The following PAPPA2 variants were observed in gnomAD, a reference collection of about 807,000 sequenced individuals.
The protein encoded by PAPPA2 is pappalysin 2.
Under a neutral mutation model 176.4 loss-of-function variants are expected in PAPPA2, and 86 were observed. The observed-to-expected ratio is 0.49, with a 90% CI of 0.41 to 0.58. The LOEUF (loss-of-function observed/expected upper bound fraction) is 0.58. PAPPA2 is among the 20% of genes least tolerant of loss of function. PAPPA2 has a pLI of 0.00. For synonymous variants in PAPPA2, 809 were observed against 852.2 expected (o/e 0.95, Z 0.88); for missense variants, 2,073 against 2,256.9 (o/e 0.92, Z 1.65).
intron 2 of PAPPA2, among the ~76,000 whole-genome samples, chr1:176,591,085 GCACACACACACA>G (rs66535582): frequency 2.7e-4 from 39 of 142,356 alleles, no homozygotes; most frequent in South Asian, 8.9e-4. Flanking sequence ...TCACACACAT[GCACACACACACA>G]CACACACACA....
chr1:176,655,097 C>T (rs1223087231), intron 3 of PAPPA2, among the ~76,000 whole-genome samples: 1 of 151,770 alleles, frequency 6.6e-6, no homozygotes, highest in African/African-American at 2.4e-5. Context: ...TTAGGTCTTC[C>T]AGTACTATGT....
intron 3 of PAPPA2, among the ~76,000 whole-genome samples, chr1:176,649,767 T>G (rs1217686611): frequency 6.6e-6 from 1 of 151,580 alleles, no homozygotes; most frequent in Non-Finnish European, 1.5e-5. Flanking sequence ...ATAAGATACT[T>G]GACATGATTT....
intron 12 of PAPPA2, among the ~76,000 whole-genome samples, chr1:176,730,594 T>G (rs570743544): frequency 1.2e-4 from 17 of 141,124 alleles, no homozygotes; most frequent in African/African-American, 4.8e-4. Flanking sequence ...TCGTTTTTGT[T>G]TTTTGTTTTT....
intron 1 of PAPPA2, among the ~76,000 whole-genome samples, chr1:176,499,525 C>A (rs1419273720): frequency 6.6e-6 from 1 of 152,094 alleles, no homozygotes; most frequent in African/African-American, 2.4e-5. Context: ...AAGAAAAGGG[C>A]AGGACTGTTT....
intron 1 of PAPPA2, among the ~76,000 whole-genome samples, chr1:176,547,902 A>G (rs887186713): frequency 6.6e-6 from 1 of 152,286 alleles, no homozygotes; most frequent in Admixed American, 6.5e-5. Flanking sequence ...AGGATTTTTT[A>G]AAAAATGTGG....
intron 21 of PAPPA2, among the ~76,000 whole-genome samples, chr1:176,827,450 G>T (rs1162964547): frequency 6.6e-6 from 1 of 151,982 alleles, no homozygotes; most frequent in Non-Finnish European, 1.5e-5. Context: ...CTTCCTGCTG[G>T]GGTTATTCTC....
chr1:176,526,498 T>C (rs981565692), intron 1 of PAPPA2, among the ~76,000 whole-genome samples: 5 of 152,204 alleles, frequency 3.3e-5, no homozygotes, highest in African/African-American at 1.2e-4. Flanking sequence ...CCCTAGAAGA[T>C]GACAGTACCA....
At chr1:176,582,673 G>A (rs545504126) in intron 2 of PAPPA2, among the ~76,000 whole-genome samples, 3 of 151,872 alleles carry the variant, frequency 2.0e-5, no homozygotes, top group South Asian at 4.2e-4. Flanking sequence ...ATATTTTGTC[G>A]AGGATTTTAA....
Position 176,695,733 on chromosome 1 carries a change from C to T in PAPPA2, c.2625-5C>T. On this transcript the variant is annotated splice_region_variant and splice_polypyrimidine_tract_variant and intron_variant, in intron 6 of 22. Coordinates refer to ENST00000367662, the MANE Select transcript of PAPPA2 (RefSeq NM_020318.3). ...TCTCCCATCTCCATCCCTTTATCTC[C>T]CCAGGGCCTCAGGCAGCTTGTGTGG... is the stretch of plus-strand genomic sequence containing the variant. 6.2e-7 allele frequency: 1 copy of T among 1,613,972 alleles called. No individual in the cohort carries two copies. Among genetic ancestry groups the T allele is most frequent in the South Asian group, 1.1e-5 (1 of 91,070 alleles).
At chr1:176,821,858 T>C (rs756232147) in intron 21 of PAPPA2, among the ~76,000 whole-genome samples, 11 of 152,154 alleles carry the variant, frequency 7.2e-5, no homozygotes, top group Admixed American at 2.6e-4. Flanking sequence ...AAGAATAATA[T>C]CTACTAGTCA....
intron 14 of PAPPA2, among the ~76,000 whole-genome samples, chr1:176,755,285 T>C (rs184351389): frequency 1.2e-3 from 189 of 152,274 alleles, no homozygotes; most frequent in African/African-American, 4.5e-3. Context: ...TTCTTACTTC[T>C]GCATGTGAAT....
intron 14 of PAPPA2, among the ~76,000 whole-genome samples, chr1:176,756,455 A>C (rs1354117995): frequency 6.6e-6 from 1 of 152,194 alleles, no homozygotes; most frequent in Non-Finnish European, 1.5e-5. Context: ...GCTAATATAT[A>C]CATATCTTTT....
chr1:176,565,738 G>A (rs1480816449), intron 2 of PAPPA2, among the ~76,000 whole-genome samples: 1 of 152,188 alleles, frequency 6.6e-6, no homozygotes, highest in Non-Finnish European at 1.5e-5. Flanking sequence ...GGTGAGTATG[G>A]TTTGGCCACT....
intron 12 of PAPPA2, among the ~76,000 whole-genome samples, chr1:176,729,866 A>G (rs1662050297): frequency 6.6e-6 from 1 of 151,974 alleles, no homozygotes; most frequent in South Asian, 2.1e-4. Flanking sequence ...ACTTGTACAT[A>G]TGGTCTGAAC....
At chr1:176,691,260 C>A in intron 5 of PAPPA2, 1 of 802,268 alleles carries the variant, frequency 1.2e-6, no homozygotes, top group Non-Finnish European at 1.5e-6. Flanking sequence ...TGTTTGGTGA[C>A]AGGTTCTTCT....
chr1:176,633,947 G>T (rs370476041), intron 3 of PAPPA2, among the ~76,000 whole-genome samples: 1 of 152,166 alleles, frequency 6.6e-6, no homozygotes, highest in Non-Finnish European at 1.5e-5. Flanking sequence ...GAAACAACAG[G>T]TGCTGGAGAG....
intron 1 of PAPPA2, among the ~76,000 whole-genome samples, chr1:176,528,132 G>A (rs564954281): frequency 6.6e-6 from 1 of 152,236 alleles, no homozygotes; most frequent in African/African-American, 2.4e-5. Flanking sequence ...ATTCAAATGG[G>A]CTGCATTCAA....
At chr1:176,793,179 A>G (rs187956017) in intron 19 of PAPPA2, among the ~76,000 whole-genome samples, 452 of 152,336 alleles carry the variant, frequency 3.0e-3, no homozygotes, top group African/African-American at 0.011. Flanking sequence ...TTTAAAAGTT[A>G]TGAGCCAATC....
At chr1:176,676,996 C>G (rs1040211612) in intron 4 of PAPPA2, among the ~76,000 whole-genome samples, 2 of 152,112 alleles carry the variant, frequency 1.3e-5, no homozygotes, top group Non-Finnish European at 2.9e-5. Context: ...TGAGAAATAA[C>G]TGTACTACCC....
Sources: gnomAD v4.1 joint callset for allele counts (sites outside exome capture counted in the v4.1 genomes callset) on GRCh38, gnomAD v4.1.1 for gene constraint, MANE v1.5 for transcripts, NCBI Gene and HGNC (gene_info 2026-07-23, HGNC 2026-07-21) for gene names.